The following SMNDC1 variants were observed in gnomAD, a reference collection of about 807,000 sequenced individuals.
The protein encoded by SMNDC1 is survival of motor neuron-related-splicing factor 30.
Under a neutral mutation model 29.2 loss-of-function variants are expected in SMNDC1, and 5 were observed. The ratio of observed to expected loss-of-function variants is 0.17; its 90% CI spans 0.09 to 0.36. The LOEUF (loss-of-function observed/expected upper bound fraction) is 0.36. Ranked by LOEUF, SMNDC1 falls within the 10% of genes least tolerant of loss-of-function variation. The pLI is 1.00. For synonymous variants in SMNDC1, 80 were observed against 89.9 expected (o/e 0.89, Z 0.62); for missense variants, 142 against 268.5 (o/e 0.53, Z 3.29).
At position 110,293,302 on chromosome 10, in the gene SMNDC1, C is replaced by T. The variant is rs1001794812; in HGVS notation, c.*848G>A. On this transcript the variant is annotated 3_prime_UTR_variant, in exon 6 of 6. Coordinates refer to ENST00000369603, the MANE Select transcript of SMNDC1 (RefSeq NM_005871.4). ...TCGTCAGATTAATGCACAAGAAATA[C>T]AAGAAATTTTTAATGATGAAATATT... 6.6e-6 allele frequency: 1 copy of T among 152,466 alleles called. No homozygotes were observed. The allele number at this position is 152,466 out of a possible 1,614,324, so 9.4% of individuals were successfully genotyped here.
At chr10:110,303,798 A>G in intron 1 of SMNDC1, 1 of 494,800 alleles carries the variant, frequency 2.0e-6, no homozygotes, top group Non-Finnish European at 3.5e-6. Flanking sequence ...TATAAACTTG[A>G]GATACATTCC....
chr10:110,297,736 G>T lies in SMNDC1; in HGVS notation c.264-8C>A. The stretch of plus-strand genomic sequence containing the variant: ...ATCTCCGCTTCATAACACCTGTAAA[G>T]ATATCATGGCTGTAAGCAGGTGAGT... On this transcript the variant is annotated splice_region_variant and splice_polypyrimidine_tract_variant and intron_variant, in intron 3 of 5. Coordinates refer to ENST00000369603, the MANE Select transcript of SMNDC1 (RefSeq NM_005871.4). 2 of 1,612,838 alleles carry T rather than the reference G, an allele frequency of 1.2e-6. No individual in the cohort carries two copies. The highest frequency in any genetic ancestry group is 1.7e-6 in the Non-Finnish European group (2 of 1,179,306).
At chr10:110,295,099 A>G in intron 5 of SMNDC1, 129 bp downstream of exon 5, 2 of 776,624 alleles carry the variant, frequency 2.6e-6, no homozygotes, top group South Asian at 1.9e-5. Flanking sequence ...TTGAGCATCA[A>G]CAAGGATTCG....
chr10:110,299,625 T>C (rs1857616505), intron 2 of SMNDC1, among the ~76,000 whole-genome samples: 1 of 152,238 alleles, frequency 6.6e-6, no homozygotes. Flanking sequence ...AGATCCACAC[T>C]ATGCATCTTA....
In SMNDC1 at chr10:110,293,743, A is replaced by T. The variant is rs1460174917; in HGVS notation, c.*407T>A. ...GAAAAATGAAAAGATCTCTTTTAGC[A>T]GGTTGGTGTTTTTGCCTTGGTGTTC... On this transcript the variant is annotated 3_prime_UTR_variant, in exon 6 of 6. Transcript: ENST00000369603. The T allele has an allele frequency of 2.0e-5, 3 of 153,318 alleles. No homozygotes were observed. Among genetic ancestry groups the T allele is most frequent in the African/African-American group, 7.2e-5 (3 of 41,528 alleles). 9.5% of individuals were successfully genotyped at this position (153,318 alleles called of 1,614,324 possible).
At chr10:110,304,535 T>G (rs1262477310) in intron 1 of SMNDC1, 1 of 151,898 alleles carries the variant, frequency 6.6e-6, no homozygotes, top group African/African-American at 2.4e-5. Context: ...CCCGGTCCCC[T>G]GCGGGCCGTG....
intron 2 of SMNDC1, among the ~76,000 whole-genome samples, chr10:110,299,989 G>C (rs1037219282): frequency 6.6e-6 from 1 of 152,150 alleles, no homozygotes; most frequent in Non-Finnish European, 1.5e-5. Context: ...CCATTAATTA[G>C]ATCTTTTTAA....
rs1857585560 is a variant in SMNDC1 at position 110,297,698 on chromosome 10, A to G, written c.294T>C (p.Asp98=). 1 of 1,613,884 alleles carries G rather than the reference A, an allele frequency of 6.2e-7. No individual in the cohort carries two copies. The change falls in exon 4 of 6, where the codon GAT becomes GAC. Residue 98 remains aspartate, a synonymous_variant. Coordinates refer to ENST00000369603, the MANE Select transcript of SMNDC1 (RefSeq NM_005871.4). ...QCYEAEIEEI[D]EENGTAAITF... ...TGATTGCAGCGGTGCCATTTTCTTC[A>G]TCTATCTCCTCAATCTCCGCTTCAT... is the stretch of plus-strand genomic sequence containing the variant.
rs778160258 is a variant in SMNDC1 at position 110,295,384 on chromosome 10, G to A, written c.426-3C>T. On this transcript the variant is annotated splice_region_variant and splice_polypyrimidine_tract_variant and intron_variant, in intron 4 of 5. Coordinates refer to ENST00000369603, the MANE Select transcript of SMNDC1 (RefSeq NM_005871.4). ...GCTGCTGGGCAATCATTTCTTTTCT[G>A]CATGAAAAAAAGTTAAATGTCAACT... 8.9e-6 allele frequency: 14 copies of A among 1,573,658 alleles called. No homozygotes were observed. In the Admixed American group the frequency reaches 2.8e-4, roughly 32 times the overall value.
chr10:110,304,341 C>G (rs922185630), intron 1 of SMNDC1: 9 of 152,238 alleles, frequency 5.9e-5, no homozygotes, highest in African/African-American at 2.2e-4. Context: ...CCTGCAAAGG[C>G]CCCCTAAGAG....
intron 3 of SMNDC1, 95 bp from the exon 4 acceptor site, chr10:110,297,823 A>C: frequency 9.3e-7 from 1 of 1,075,542 alleles, no homozygotes. Flanking sequence ...ACATGTGTCT[A>C]TAATGAAACT....
In SMNDC1 at chr10:110,295,335, A is replaced by G. The variant is rs753234385; in HGVS notation, c.472T>C (p.Leu158=). The G allele has an allele frequency of 1.2e-6, 2 of 1,604,938 alleles. No individual in the cohort carries two copies. Among genetic ancestry groups the G allele is most frequent in the East Asian group, 2.2e-5 (1 of 44,678 alleles). The change falls in exon 5 of 6, where the codon TTG becomes CTG. Residue 158 remains leucine, a synonymous_variant. Transcript: ENST00000369603. ...QQREYKKKKA[L]KKAQRIKELE... is the part of the protein sequence containing the mutation. ...TCTTTTATTCTCTGAGCTTTTTTCA[A>G]AGCTTTCTTCTTTTTATATTCACGC...
At chr10:110,298,620 TAGTTAG>T (rs1263265967) in intron 3 of SMNDC1, 22 bp downstream of exon 3, 2 of 1,568,266 alleles carry the variant, frequency 1.3e-6, no homozygotes. Context: ...TTTCATGTTA[TAGTTAG>T]AGTTTTTTTT....
Position 110,297,560 on chromosome 10 carries a change from C to CACTT in SMNDC1, c.425+3_425+6dup. On this transcript the variant is annotated splice_region_variant and intron_variant, in intron 4 of 5. Coordinates refer to ENST00000369603, the MANE Select transcript of SMNDC1 (RefSeq NM_005871.4). ...GCACCTAAAATGGAAAAGTCAAAGT[C>CACTT]ACTTACTTTGACATGGGTTTGTTGC... 1 of 1,611,514 alleles carries CACTT rather than the reference C, an allele frequency of 6.2e-7. No individual in the cohort carries two copies. The highest frequency in any genetic ancestry group is 1.1e-5 in the South Asian group (1 of 90,712).
At position 110,292,150 on chromosome 10, in the gene SMNDC1, T is replaced by C. The variant is rs1444613122; in HGVS notation, c.*2000A>G. ...AAATTCAGTATCACACTGTGACAGG[T>C]AGTCTCCCCAGGAGTCCTGCCTCTT... On this transcript the variant is annotated 3_prime_UTR_variant, in exon 6 of 6. Coordinates refer to ENST00000369603, the MANE Select transcript of SMNDC1 (RefSeq NM_005871.4). The C allele has an allele frequency of 1.3e-5, 2 of 152,214 alleles. No individual in the cohort carries two copies. The highest frequency in any genetic ancestry group is 2.9e-5 in the Non-Finnish European group (2 of 68,028). 9.4% of individuals were successfully genotyped at this position (152,214 alleles called of 1,614,324 possible).
rs1857512048 is a variant in SMNDC1, at chr10:110,292,688, G to C, written c.*1462C>G. 1 of 152,050 alleles carries C rather than the reference G, an allele frequency of 6.6e-6. No individual in the cohort carries two copies. The highest frequency in any genetic ancestry group is 1.5e-5 in the Non-Finnish European group (1 of 68,002). 9.4% of individuals were successfully genotyped at this position (152,050 alleles called of 1,614,324 possible). Reference sequence around the variant, plus strand: ...TGGCCACGAATTATATGAAGAAAAAGTGACCCTCCTGGGTTGAGAGGGGTG... The same window carrying C: ...TGGCCACGAATTATATGAAGAAAAACTGACCCTCCTGGGTTGAGAGGGGTG... On this transcript the variant is annotated 3_prime_UTR_variant, in exon 6 of 6. Transcript: ENST00000369603.
intron 1 of SMNDC1, chr10:110,304,077 G>A (rs780843431): frequency 6.6e-6 from 1 of 152,416 alleles, no homozygotes; most frequent in Admixed American, 6.5e-5. Context: ...GTATTTAAAA[G>A]TGCCTCTCCA....
intron 2 of SMNDC1, among the ~76,000 whole-genome samples, chr10:110,303,133 TGCCAGGTCTTAAAAACTAAAA>T (rs1857680111): frequency 6.6e-6 from 1 of 152,256 alleles, no homozygotes; most frequent in Non-Finnish European, 1.5e-5. Flanking sequence ...AAATTTCATT[TGCCAGGTCTTAAAAACTAAAA>T]GCGTTTTTCA....
At chr10:110,300,729 G>C (rs1273605235) in intron 2 of SMNDC1, 7 of 985,274 alleles carry the variant, frequency 7.1e-6, no homozygotes, top group African/African-American at 1.7e-5. Context: ...CGGGGATGCA[G>C]AGAGCCACTG....
Sources: allele counts gnomAD v4.1 joint callset (sites outside exome capture counted in the v4.1 genomes callset), GRCh38; gene constraint gnomAD v4.1.1; transcripts MANE v1.5; gene names NCBI Gene and HGNC (gene_info 2026-07-23, HGNC 2026-07-21).